Variants in EXOC6B observed in about 807,000 individuals in gnomAD.
EXOC6B encodes the protein SEC15 homolog B.
In EXOC6B, 54 loss-of-function variants were observed where a neutral mutation model predicts 113.5. The observed-to-expected ratio is 0.48, with a 90% CI of 0.38 to 0.60. The LOEUF (loss-of-function observed/expected upper bound fraction) is 0.60. Among genes scored for constraint, EXOC6B ranks in the 20% least tolerant of loss-of-function variants. The pLI is 0.00. For synonymous variants in EXOC6B, 357 were observed against 339.0 expected (o/e 1.05, Z -0.58); for missense variants, 797 against 977.5 (o/e 0.82, Z 2.46).
chr2:72,285,159 G>A (rs1685351373), intron 20 of EXOC6B, among the ~76,000 whole-genome samples: 1 of 152,066 alleles, frequency 6.6e-6, no homozygotes, highest in Admixed American at 6.5e-5. Context: ...ATCCAGAATA[G>A]CCAACACAAT....
At chr2:72,730,863 C>G in intron 5 of EXOC6B, 144 bp downstream of exon 5, 1 of 553,274 alleles carries the variant, frequency 1.8e-6, no homozygotes, top group South Asian at 2.9e-5. Context: ...ATAAATAAAT[C>G]TAGAATGAAT....
chr2:72,506,331 TC>T (rs1700593473), intron 11 of EXOC6B, among the ~76,000 whole-genome samples: 1 of 152,262 alleles, frequency 6.6e-6, no homozygotes, highest in African/African-American at 2.4e-5. Context: ...TGTTTTTTCT[TC>T]TACTTCTGGT....
chr2:72,616,521 C>T (rs1573493539), intron 6 of EXOC6B, among the ~76,000 whole-genome samples: 1 of 152,218 alleles, frequency 6.6e-6, no homozygotes, highest in East Asian at 1.9e-4. Context: ...GGAGGCTTCA[C>T]ATTCATTGCT....
intron 6 of EXOC6B, among the ~76,000 whole-genome samples, chr2:72,606,767 T>G (rs1277164002): frequency 6.6e-6 from 1 of 151,692 alleles, no homozygotes; most frequent in Non-Finnish European, 1.5e-5. Flanking sequence ...TAGCCCACCA[T>G]GCTCTGCTAA....
chr2:72,590,781 C>T (rs1180900961), intron 6 of EXOC6B, among the ~76,000 whole-genome samples: 3 of 151,942 alleles, frequency 2.0e-5, no homozygotes, highest in African/African-American at 7.2e-5. Flanking sequence ...TCTCTACTAC[C>T]TATTCCTTTA....
intron 8 of EXOC6B, among the ~76,000 whole-genome samples, chr2:72,520,829 A>T (rs1384821933): frequency 1.3e-5 from 2 of 152,228 alleles, no homozygotes; most frequent in Non-Finnish European, 2.9e-5. Flanking sequence ...GAGTTAATAC[A>T]GGATCTTCCT....
intron 6 of EXOC6B, among the ~76,000 whole-genome samples, chr2:72,690,994 C>T (rs1677443416): frequency 6.6e-6 from 1 of 152,112 alleles, no homozygotes; most frequent in Non-Finnish European, 1.5e-5. Flanking sequence ...CATGATGGCT[C>T]ACACCTGTAA....
chr2:72,658,172 A>C (rs910727152), intron 6 of EXOC6B, among the ~76,000 whole-genome samples: 1 of 151,088 alleles, frequency 6.6e-6, no homozygotes, highest in Non-Finnish European at 1.5e-5. Context: ...CCTTGATCTT[A>C]AAAGGATCAA....
intron 6 of EXOC6B, among the ~76,000 whole-genome samples, chr2:72,716,566 T>G (rs1679633628): frequency 6.6e-6 from 1 of 152,160 alleles, no homozygotes; most frequent in Admixed American, 6.5e-5. Flanking sequence ...GATTTCTTCA[T>G]CATTTCTTTA....
intron 1 of EXOC6B, among the ~76,000 whole-genome samples, chr2:72,755,236 C>A (rs191686368): frequency 2.0e-5 from 3 of 152,154 alleles, no homozygotes; most frequent in East Asian, 3.9e-4. Flanking sequence ...GGATAATGGG[C>A]CTAGAAATGA....
At chr2:72,570,167 A>C in intron 7 of EXOC6B, among the ~76,000 whole-genome samples, 1 of 152,164 alleles carries the variant, frequency 6.6e-6, no homozygotes, top group East Asian at 1.9e-4. Context: ...GAAGACACAC[A>C]TTATAAAAAG....
chr2:72,731,449 A>G (rs1010226020), intron 3 of EXOC6B, among the ~76,000 whole-genome samples: 2 of 152,200 alleles, frequency 1.3e-5, no homozygotes, highest in African/African-American at 2.4e-5. Flanking sequence ...GATACATACA[A>G]TACTAGGAAG....
intron 1 of EXOC6B, among the ~76,000 whole-genome samples, chr2:72,758,424 A>T (rs913460819): frequency 9.2e-5 from 14 of 152,034 alleles, no homozygotes; most frequent in Admixed American, 2.6e-4. Context: ...TTCCTAGTCC[A>T]CTTACAAGAT....
intron 20 of EXOC6B, among the ~76,000 whole-genome samples, chr2:72,303,745 G>C (rs570956143): frequency 5.9e-5 from 9 of 152,166 alleles, no homozygotes; most frequent in African/African-American, 2.2e-4. Context: ...ATCATTTGAA[G>C]GACATAAGAC....
intron 1 of EXOC6B, among the ~76,000 whole-genome samples, chr2:72,820,234 C>A (rs1686504137): frequency 6.6e-6 from 1 of 152,098 alleles, no homozygotes; most frequent in Non-Finnish European, 1.5e-5. Context: ...TATTCCTACA[C>A]CCATAAGTAA....
intron 18 of EXOC6B, among the ~76,000 whole-genome samples, chr2:72,458,983 T>C (rs1697437589): frequency 6.6e-6 from 1 of 152,036 alleles, no homozygotes; most frequent in South Asian, 2.1e-4. Context: ...CCCAGCATTA[T>C]AAAAGCTGCA....
At chr2:72,641,029 T>A (rs1214029600) in intron 6 of EXOC6B, among the ~76,000 whole-genome samples, 1 of 152,204 alleles carries the variant, frequency 6.6e-6, no homozygotes, top group East Asian at 1.9e-4. Flanking sequence ...AGTGGAAGAC[T>A]TTAACATCCC....
At chr2:72,655,343 AT>A (rs1229928190) in intron 6 of EXOC6B, among the ~76,000 whole-genome samples, 2 of 152,036 alleles carry the variant, frequency 1.3e-5, no homozygotes, top group Non-Finnish European at 1.5e-5. Flanking sequence ...AAATTTATAG[AT>A]TTTTTTAAAG....
intron 17 of EXOC6B, among the ~76,000 whole-genome samples, chr2:72,477,435 A>G (rs1388187068): frequency 6.6e-6 from 1 of 152,134 alleles, no homozygotes; most frequent in African/African-American, 2.4e-5. Context: ...AATATTTCTT[A>G]CCACTTCTAC....
Sources: allele counts gnomAD v4.1 joint callset (sites outside exome capture counted in the v4.1 genomes callset), GRCh38; gene constraint gnomAD v4.1.1; transcripts MANE v1.5; gene names NCBI Gene and HGNC (gene_info 2026-07-23, HGNC 2026-07-21).